ZDHHC15: variants seen among roughly 807,000 people sequenced by gnomAD.
ZDHHC15 encodes palmitoyltransferase ZDHHC15.
In ZDHHC15, 19 loss-of-function variants were observed where a neutral mutation model predicts 31.7. That is an observed-to-expected ratio of 0.60 (90% CI 0.42 to 0.88). The LOEUF (loss-of-function observed/expected upper bound fraction) is 0.88, where lower values mean the gene tolerates loss of function less well. Among genes scored for constraint, ZDHHC15 ranks in the 40% least tolerant of loss-of-function variants. The pLI, the probability that ZDHHC15 is intolerant of heterozygous loss-of-function variation, is 0.00. For missense variants in ZDHHC15, 209 were observed against 251.2 expected (o/e 0.83, Z 1.14); for synonymous variants, 103 against 90.0 (o/e 1.14, Z -0.82).
intron 1 of ZDHHC15, among the ~76,000 whole-genome samples, chrX:75,509,476 C>T (rs187114535): frequency 8.9e-6 from 1 of 112,014 alleles, no homozygotes; most frequent in Non-Finnish European, 1.9e-5. Context: ...TCAAAAGGGA[C>T]TTGTGAAAGG....
intron 2 of ZDHHC15, among the ~76,000 whole-genome samples, chrX:75,491,280 G>C (rs1314080608): frequency 1.8e-5 from 2 of 110,043 alleles, no homozygotes; most frequent in Non-Finnish European, 3.8e-5. Flanking sequence ...TATACACCAT[G>C]GAATTCTATG....
intron 9 of ZDHHC15, among the ~76,000 whole-genome samples, chrX:75,421,425 A>ATATATTATATAATATATAT (rs2083635690): frequency 1.6e-5 from 1 of 63,543 alleles, no homozygotes; most frequent in Non-Finnish European, 2.6e-5. Flanking sequence ...TATATATAAT[A>ATATATTATATAATATATAT]TATATATAAT....
chrX:75,432,274 A>T (rs2083789530), intron 4 of ZDHHC15, among the ~76,000 whole-genome samples: 1 of 109,763 alleles, frequency 9.1e-6, no homozygotes, highest in Non-Finnish European at 1.9e-5. Context: ...CATTTTCTAG[A>T]TGTTCATTGA....
At chrX:75,400,768 G>T (rs1318452421) in intron 10 of ZDHHC15, among the ~76,000 whole-genome samples, 1 of 111,407 alleles carries the variant, frequency 9.0e-6, no homozygotes, top group Non-Finnish European at 1.9e-5. Context: ...TCCCCATCAG[G>T]CTAACAATGG....
At chrX:75,436,567 C>A (rs1448541357) in intron 4 of ZDHHC15, among the ~76,000 whole-genome samples, 1 of 112,114 alleles carries the variant, frequency 8.9e-6, no homozygotes, top group Non-Finnish European at 1.9e-5. Flanking sequence ...ATTTTTAAAA[C>A]TTCCATCTTG....
At chrX:75,378,768 T>C (rs985276332) in intron 11 of ZDHHC15, among the ~76,000 whole-genome samples, 6 of 111,355 alleles carry the variant, frequency 5.4e-5, no homozygotes, top group African/African-American at 2.0e-4. Flanking sequence ...AAAAGAAAGC[T>C]ATTTGTAATC....
intron 4 of ZDHHC15, among the ~76,000 whole-genome samples, chrX:75,441,521 A>G (rs955778685): frequency 3.6e-5 from 4 of 111,159 alleles, no homozygotes; most frequent in Non-Finnish European, 5.7e-5. Context: ...TTGGGCACTC[A>G]CAGGTTTTTG....
chrX:75,517,940 G>T (rs1164087548), intron 1 of ZDHHC15, among the ~76,000 whole-genome samples: 15 of 108,558 alleles, frequency 1.4e-4, no homozygotes, highest in African/African-American at 4.7e-4. Flanking sequence ...AGATCAGCCT[G>T]GGCAACATAG....
Position 75,417,138 on chromosome X carries a change from G to A in ZDHHC15, c.916C>T (p.Pro306Ser), listed in dbSNP as rs1302203364. 8.3e-7 allele frequency: 1 copy of A among 1,207,868 alleles called. No individual in the cohort carries two copies. The highest frequency in any genetic ancestry group is 3.0e-5 in the East Asian group (1 of 33,674). Residue 306 changes from proline (P) to serine (S), a missense_variant, in exon 10 of 12, where the codon CCA becomes TCA. Pro to Ser is a moderately conservative substitution (Grantham distance 74). Transcript: ENST00000373367. Reference protein sequence around the residue: ...PMRSMNESQNPLLANEETWED... With the variant: ...PMRSMNESQNSLLANEETWED... ...CAGGTTTCTTCATTTGCTAGCAGTG[G>A]GTTCTGTGACTCATTCATAGACCTC...
chrX:75,418,083 G>T, intron 9 of ZDHHC15, among the ~76,000 whole-genome samples: 1 of 111,691 alleles, frequency 9.0e-6, no homozygotes, highest in East Asian at 2.8e-4. Context: ...ATCTCCCTTT[G>T]ATGTGGTGAT....
intron 3 of ZDHHC15, among the ~76,000 whole-genome samples, chrX:75,470,481 C>T (rs2084487172): frequency 9.0e-6 from 1 of 111,316 alleles, no homozygotes; most frequent in African/African-American, 3.3e-5. Flanking sequence ...GGAACATAAT[C>T]TTTCTCCCAT....
chrX:75,464,387 A>G (rs1169134324), intron 3 of ZDHHC15, among the ~76,000 whole-genome samples: 1 of 111,334 alleles, frequency 9.0e-6, no homozygotes, highest in African/African-American at 3.3e-5. Flanking sequence ...ATACATATGT[A>G]ACAAACCTGC....
At position 75,443,982 on chromosome X, in the gene ZDHHC15, G is replaced by C. The variant is rs770025070; in HGVS notation, c.379+6820C>G. ...GTCAGGAAACAACAGGTGCTGGAGA[G>C]GATGTGGAGAAATAGGAACACTTTT... On this transcript the variant is annotated intron_variant, in intron 4 of 11. Coordinates refer to ENST00000373367, the MANE Select transcript of ZDHHC15 (RefSeq NM_144969.3). Among the ~76,000 whole-genome samples the C allele has an allele frequency of 1.6e-3, 178 of 110,117 alleles. 1 individual carries two copies. The highest frequency in any genetic ancestry group is 5.4e-3 in the African/African-American group (165 of 30,419).
At chrX:75,409,843 C>G (rs1182799500) in intron 10 of ZDHHC15, among the ~76,000 whole-genome samples, 2 of 91,115 alleles carry the variant, frequency 2.2e-5, no homozygotes, top group Non-Finnish European at 4.4e-5. Flanking sequence ...CACTACAAAG[C>G]AATGTTAAGT....
chrX:75,389,469 G>A lies in ZDHHC15; in HGVS notation c.968-10271C>T, dbSNP rs183665030. 1.0e-4 allele frequency among the ~76,000 whole-genome samples: 11 copies of A among 108,697 alleles called. No homozygotes were observed. In the East Asian group the frequency reaches 3.2e-3, roughly 32 times the overall value. 94.4% of individuals were successfully genotyped at this position (108,697 alleles called of 115,157 possible). A position where few individuals can be genotyped will look rare whatever the true frequency, so the allele number is the denominator to read the frequency against. On this transcript the variant is annotated intron_variant, in intron 10 of 11. Transcript: ENST00000373367. ...GAGACTCCTTCCTTCTGCTTGAGGAGGGAGAAGGGAGAATAGAGGACTTTG... is the reference window on the plus strand; with the variant it reads ...GAGACTCCTTCCTTCTGCTTGAGGAAGGAGAAGGGAGAATAGAGGACTTTG...
chrX:75,514,745 T>C (rs1336184104), intron 1 of ZDHHC15, among the ~76,000 whole-genome samples: 2 of 111,654 alleles, frequency 1.8e-5, no homozygotes, highest in Non-Finnish European at 3.8e-5. Context: ...TTATATCCCA[T>C]GCAAGGCTCG....
chrX:75,417,549 A>G (rs1266187717), intron 9 of ZDHHC15, among the ~76,000 whole-genome samples: 7 of 112,136 alleles, frequency 6.2e-5, no homozygotes, highest in African/African-American at 2.3e-4. Flanking sequence ...GTTTTCAAGA[A>G]AGATGACCAG....
At chrX:75,415,120 A>G (rs771240419) in intron 10 of ZDHHC15, among the ~76,000 whole-genome samples, 1 of 111,619 alleles carries the variant, frequency 9.0e-6, no homozygotes, top group South Asian at 3.7e-4. Flanking sequence ...TTGGGCTAGG[A>G]ATAAAAATTC....
rs1449529250 is a variant in ZDHHC15 at position 75,517,669 on chromosome X, A to G, written c.136+5220T>C. The stretch of plus-strand genomic sequence containing the variant: ...GAGTTAATGGGTGCAGCACACCAAC[A>G]TGGCACATGTATACATATGTAACAA... On this transcript the variant is annotated intron_variant, in intron 1 of 11. Transcript: ENST00000373367. Among the ~76,000 whole-genome samples, 3 of 108,664 alleles carry G rather than the reference A, an allele frequency of 2.8e-5. No individual in the cohort carries two copies. The East Asian group carries it at 8.8e-4, about 32-fold the overall frequency. 94.4% of individuals were successfully genotyped at this position (108,664 alleles called of 115,157 possible). A position where few individuals can be genotyped will look rare whatever the true frequency, so the allele number is the denominator to read the frequency against.
Sources: allele counts gnomAD v4.1 joint callset (sites outside exome capture counted in the v4.1 genomes callset), GRCh38; gene constraint gnomAD v4.1.1; transcripts MANE v1.5; gene names NCBI Gene and HGNC (gene_info 2026-07-23, HGNC 2026-07-21).